WRN: variants seen among roughly 807,000 people sequenced by gnomAD.
The protein encoded by WRN is WRN RecQ like helicase.
In WRN, 149 loss-of-function variants were observed where a neutral mutation model predicts 180.7. That is an observed-to-expected ratio of 0.82 (90% CI 0.72 to 0.94). WRN has a LOEUF of 0.94. WRN is among the 40% of genes least tolerant of loss of function. The probability of loss-of-function intolerance (pLI) is 0.00; values close to 1 mark genes in which losing one functional copy is unlikely to be tolerated. For synonymous variants in WRN, 548 were observed against 568.9 expected (o/e 0.96, Z 0.52); for missense variants, 1,661 against 1,700.1 (o/e 0.98, Z 0.40).
intron 28 of WRN, among the ~76,000 whole-genome samples, chr8:31,145,197 C>T (rs1049970647): frequency 6.6e-6 from 1 of 152,144 alleles, no homozygotes; most frequent in Non-Finnish European, 1.5e-5. Context: ...TGCTTTCTAC[C>T]AGAAGAAGAA....
chr8:31,082,753 C>T (rs1201372237), intron 9 of WRN, among the ~76,000 whole-genome samples: 2 of 151,978 alleles, frequency 1.3e-5, no homozygotes, highest in Admixed American at 1.3e-4. Flanking sequence ...CCCGCCACCA[C>T]ACCCGGCTAA....
intron 30 of WRN, among the ~76,000 whole-genome samples, chr8:31,147,821 C>T (rs1165720080): frequency 1.3e-5 from 2 of 151,886 alleles, no homozygotes; most frequent in African/African-American, 2.4e-5. Context: ...ATGCTTAAAA[C>T]CTCTGATCTG....
chr8:31,144,414 C>T (rs1002401347), intron 28 of WRN, among the ~76,000 whole-genome samples: 4 of 151,094 alleles, frequency 2.6e-5, no homozygotes, highest in African/African-American at 9.8e-5. Flanking sequence ...CGGCTCACTG[C>T]AATCTTCGCC....
chr8:31,151,429 CTT>C (rs1803120894), intron 31 of WRN, among the ~76,000 whole-genome samples: 1 of 152,250 alleles, frequency 6.6e-6, no homozygotes, highest in African/African-American at 2.4e-5. Context: ...GCATTTCCCT[CTT>C]TTGATATAGA....
chr8:31,055,623 TC>T (rs1812242175), intron 1 of WRN, among the ~76,000 whole-genome samples: 1 of 152,118 alleles, frequency 6.6e-6, no homozygotes, highest in Non-Finnish European at 1.5e-5. Flanking sequence ...GTTTTTTTTT[TC>T]TTGTAAATTT....
chr8:31,171,636 G>A (rs1278168236), intron 34 of WRN: 1 of 152,190 alleles, frequency 6.6e-6, no homozygotes, highest in Non-Finnish European at 1.5e-5. Context: ...CTTTGCTGAT[G>A]TGTGAAAAGC....
At chr8:31,078,028 GT>G (rs1162086079) in intron 8 of WRN, among the ~76,000 whole-genome samples, 1 of 152,090 alleles carries the variant, frequency 6.6e-6, no homozygotes, top group African/African-American at 2.4e-5. Flanking sequence ...GATAAAACAG[GT>G]TTTAGGTTAC....
chr8:31,137,642 C>T (rs185540683), intron 24 of WRN, among the ~76,000 whole-genome samples: 55 of 152,130 alleles, frequency 3.6e-4, no homozygotes, highest in African/African-American at 1.3e-3. Flanking sequence ...ACAGCATCCT[C>T]AAGAGATAAA....
intron 1 of WRN, among the ~76,000 whole-genome samples, chr8:31,037,324 C>T (rs961698572): frequency 6.6e-5 from 10 of 152,288 alleles, no homozygotes; most frequent in African/African-American, 1.9e-4. Context: ...CAGGTGGTAA[C>T]GTGAGGAATG....
chr8:31,159,180 G>T (rs971116683), intron 33 of WRN, among the ~76,000 whole-genome samples: 2 of 151,890 alleles, frequency 1.3e-5, no homozygotes, highest in Non-Finnish European at 2.9e-5. Flanking sequence ...TATACCTATA[G>T]TCTCAGCTAC....
chr8:31,075,720 A>AG (rs202032803), intron 7 of WRN, among the ~76,000 whole-genome samples: 6,655 of 133,522 alleles, frequency 0.05, 173 homozygotes, highest in South Asian at 0.083. Context: ...ACTCTGTCTC[A>AG]AAAAAAAAAA....
In WRN at chr8:31,085,155, T is replaced by G. The variant is rs753525336; in HGVS notation, c.1351-11T>G. 1 of 1,607,970 alleles carries G rather than the reference T, an allele frequency of 6.2e-7. No individual in the cohort carries two copies. The highest frequency in any genetic ancestry group is 2.2e-5 in the East Asian group (1 of 44,636). ...ATATTGGAAATTAATGCTTAATACT[T>G]TTTTTTAAAGCATTTATCTCCCAAT... On this transcript the variant is annotated splice_polypyrimidine_tract_variant and intron_variant, in intron 10 of 34. Coordinates refer to ENST00000298139, the MANE Select transcript of WRN (RefSeq NM_000553.6).
intron 23 of WRN, among the ~76,000 whole-genome samples, chr8:31,125,219 T>A (rs371966350): frequency 3.3e-5 from 5 of 151,798 alleles, no homozygotes; most frequent in African/African-American, 1.2e-4. Flanking sequence ...TCAATAGTTA[T>A]GTTAAATGTA....
At position 31,139,999 on chromosome 8, in the gene WRN, C is replaced by CTTTTTTTTT. The variant is rs1563375284; in HGVS notation, c.2968-1428_2968-1427insTTTTTTTTT. Among the ~76,000 whole-genome samples, 16 of 74,694 alleles carry CTTTTTTTTT rather than the reference C, an allele frequency of 2.1e-4. 2 individuals are homozygous for CTTTTTTTTT. Among genetic ancestry groups the CTTTTTTTTT allele is most frequent in the African/African-American group, 8.0e-4 (15 of 18,712 alleles). The allele number at this position is 74,694 out of a possible 152,430, so 49.0% of individuals were successfully genotyped here. A position where few individuals can be genotyped will look rare whatever the true frequency, so the allele number is the denominator to read the frequency against. On this transcript the variant is annotated intron_variant, in intron 24 of 34. Coordinates refer to ENST00000298139, the MANE Select transcript of WRN (RefSeq NM_000553.6). ...CATAAAGCTCTATGTTTGTATACTT[C>CTTTTTTTTT]TTTGTTTTTTTTTTTTTTTTTTTTT...
At chr8:31,155,597 G>T (rs1402333539) in intron 32 of WRN, among the ~76,000 whole-genome samples, 1 of 150,226 alleles carries the variant, frequency 6.7e-6, no homozygotes. Context: ...ATTCCAACCT[G>T]GGCGACCGAG....
intron 9 of WRN, among the ~76,000 whole-genome samples, chr8:31,082,575 A>G (rs1813357904): frequency 6.6e-6 from 1 of 152,048 alleles, no homozygotes. Flanking sequence ...GTTTCATATA[A>G]TATTATAGGA....
At chr8:31,072,749 T>C (rs1041040480) in intron 7 of WRN, among the ~76,000 whole-genome samples, 18 of 152,196 alleles carry the variant, frequency 1.2e-4, no homozygotes, top group Non-Finnish European at 1.9e-4. Flanking sequence ...ATAACACTTA[T>C]ATGTTGGGTG....
In WRN at chr8:31,130,021, A is replaced by AAC. The variant is rs1188307020; in HGVS notation, c.2826-2343_2826-2342insCA. On this transcript the variant is annotated intron_variant, in intron 23 of 34. Coordinates refer to ENST00000298139, the MANE Select transcript of WRN (RefSeq NM_000553.6). ...TCTTGTCTCAAAAAAAAAACAAAAC[A>AAC]AAACAAAAAAAAAAACTAGTAAGAG... Among the ~76,000 whole-genome samples, 55 of 137,134 alleles carry AAC rather than the reference A, an allele frequency of 4.0e-4. 1 individual carries two copies. Among genetic ancestry groups the AAC allele is most frequent in the African/African-American group, 1.6e-3 (50 of 31,784 alleles). 90.0% of individuals were successfully genotyped at this position (137,134 alleles called of 152,430 possible). A position where few individuals can be genotyped will look rare whatever the true frequency, so the allele number is the denominator to read the frequency against.
chr8:31,093,717 A>T (rs1813848942), intron 16 of WRN, among the ~76,000 whole-genome samples: 1 of 152,194 alleles, frequency 6.6e-6, no homozygotes, highest in Non-Finnish European at 1.5e-5. Context: ...ATCACAATCC[A>T]GATAATGAAC....
Sources: gnomAD v4.1 joint callset for allele counts (sites outside exome capture counted in the v4.1 genomes callset) on GRCh38, gnomAD v4.1.1 for gene constraint, MANE v1.5 for transcripts, NCBI Gene and HGNC (gene_info 2026-07-23, HGNC 2026-07-21) for gene names.